Variants in TENM3 observed in about 807,000 individuals in gnomAD.
TENM3 encodes the protein teneurin-3.
TENM3 carries 63 observed loss-of-function variants against 255.1 expected under a neutral mutation model. The ratio of observed to expected loss-of-function variants is 0.25; its 90% CI spans 0.20 to 0.30. The LOEUF is 0.30. Among genes scored for constraint, TENM3 ranks in the 10% least tolerant of loss-of-function variants. The pLI, the probability that TENM3 is intolerant of heterozygous loss-of-function variation, is 1.00. For missense variants in TENM3, 2,929 were observed against 3,461.1 expected, an observed-to-expected ratio of 0.85 and a Z score of 3.86; for synonymous variants, 1,306 against 1,322.3, an observed-to-expected ratio of 0.99 and a Z score of 0.27.
At chr4:182,171,916 A>AT (rs35065408) in intron 1 of TENM3, among the ~76,000 whole-genome samples, 32,204 of 149,818 alleles carry the variant, frequency 0.21, 4,444 homozygotes, top group Non-Finnish European at 0.32. Flanking sequence ...TGTATCTTTG[A>AT]TTTTTTTTTT....
At chr4:181,476,582 C>A in the TENM3 span, among the ~76,000 whole-genome samples, 18 of 152,146 alleles carry the variant, frequency 1.2e-4, no homozygotes, top group Non-Finnish European at 2.2e-4. Flanking sequence ...CATTAATTTT[C>A]CCTGCACAGC....
At chr4:182,192,104 T>C (rs1013071219) in intron 1 of TENM3, among the ~76,000 whole-genome samples, 16 of 152,138 alleles carry the variant, frequency 1.1e-4, no homozygotes, top group African/African-American at 3.6e-4. Flanking sequence ...ACGGGAAAAT[T>C]ATATGAAATT....
chr4:181,927,489 CA>C, the TENM3 span, among the ~76,000 whole-genome samples: 1 of 152,354 alleles, frequency 6.6e-6, no homozygotes, highest in East Asian at 1.9e-4. Flanking sequence ...GCTCTCTGGG[CA>C]GGGCATCTCT....
chr4:182,600,434 G>A (rs978189634), intron 3 of TENM3, among the ~76,000 whole-genome samples: 12 of 152,108 alleles, frequency 7.9e-5, no homozygotes, highest in African/African-American at 2.7e-4. Flanking sequence ...CTGCTGTTTA[G>A]CAACTAGCTT....
At chr4:181,478,235 T>G in the TENM3 span, among the ~76,000 whole-genome samples, 86 of 152,252 alleles carry the variant, frequency 5.6e-4, no homozygotes, top group African/African-American at 2.0e-3. Context: ...TGCTACAAGC[T>G]TGGAGTTTAT....
At chr4:181,553,498 G>A in the TENM3 span, among the ~76,000 whole-genome samples, 2 of 152,052 alleles carry the variant, frequency 1.3e-5, no homozygotes, top group Admixed American at 6.6e-5. Flanking sequence ...CTGGAGTGCA[G>A]GGGCGCGATC....
chr4:182,039,517 T>C, the TENM3 span, among the ~76,000 whole-genome samples: 1 of 152,130 alleles, frequency 6.6e-6, no homozygotes, highest in African/African-American at 2.4e-5. Context: ...CAAGGACATA[T>C]ATGCAGTAAC....
chr4:182,019,986 C>T, the TENM3 span, among the ~76,000 whole-genome samples: 1 of 151,974 alleles, frequency 6.6e-6, no homozygotes, highest in Non-Finnish European at 1.5e-5. Flanking sequence ...GGTTTTTCTA[C>T]TTGGTTGTGG....
the TENM3 span, among the ~76,000 whole-genome samples, chr4:181,823,277 A>G: frequency 6.6e-6 from 1 of 152,078 alleles, no homozygotes. Context: ...TTTTTCCAGG[A>G]TAGACCTTAA....
At chr4:181,458,210 A>C in the TENM3 span, among the ~76,000 whole-genome samples, 2 of 152,074 alleles carry the variant, frequency 1.3e-5, no homozygotes, top group East Asian at 3.9e-4. Context: ...AGAATCTGAA[A>C]TGAGGGTTAA....
chr4:181,801,043 A>T, the TENM3 span, among the ~76,000 whole-genome samples: 1 of 152,174 alleles, frequency 6.6e-6, no homozygotes, highest in African/African-American at 2.4e-5. Context: ...CTGAGAGGGT[A>T]GAAGGAATAG....
the TENM3 span, among the ~76,000 whole-genome samples, chr4:181,595,276 C>A: frequency 6.6e-6 from 1 of 151,650 alleles, no homozygotes; most frequent in Admixed American, 6.6e-5. Context: ...ACTAAAAATA[C>A]CAAAATTAGC....
chr4:182,753,022 C>T (rs1363443423), intron 20 of TENM3, among the ~76,000 whole-genome samples: 1 of 149,190 alleles, frequency 6.7e-6, no homozygotes, highest in Admixed American at 6.8e-5. Flanking sequence ...TCTCGGCTCA[C>T]TGCAACCTCC....
chr4:181,731,729 T>C, the TENM3 span, among the ~76,000 whole-genome samples: 1 of 152,148 alleles, frequency 6.6e-6, no homozygotes, highest in Non-Finnish European at 1.5e-5. Context: ...CCCCCAAAGG[T>C]GACTGATTAA....
At chr4:182,539,224 C>T (rs531026003) in intron 3 of TENM3, among the ~76,000 whole-genome samples, 18 of 151,256 alleles carry the variant, frequency 1.2e-4, no homozygotes, top group African/African-American at 4.1e-4. Flanking sequence ...AGTGCAGAGT[C>T]CCTGCAGGCA....
intron 12 of TENM3, among the ~76,000 whole-genome samples, chr4:182,697,155 A>C (rs1326140264): frequency 6.6e-6 from 1 of 152,204 alleles, no homozygotes; most frequent in Non-Finnish European, 1.5e-5. Context: ...ACTGAAATTC[A>C]TAACAAACTG....
the TENM3 span, among the ~76,000 whole-genome samples, chr4:181,797,049 C>G: frequency 1.4e-4 from 21 of 151,882 alleles, no homozygotes; most frequent in African/African-American, 5.1e-4. Context: ...CAGTCCAGGG[C>G]CCATGTGGTG....
At chr4:181,998,671 C>T in the TENM3 span, among the ~76,000 whole-genome samples, 1 of 152,106 alleles carries the variant, frequency 6.6e-6, no homozygotes, top group African/African-American at 2.4e-5. Context: ...TCCAAATGAC[C>T]TCAGCAGAAA....
chr4:182,464,341 C>T (rs1256057628), intron 3 of TENM3, among the ~76,000 whole-genome samples: 1 of 152,274 alleles, frequency 6.6e-6, no homozygotes, highest in South Asian at 2.1e-4. Context: ...ACTGCAACCT[C>T]CGCCTCCCGG....
Sources: gnomAD v4.1 joint callset for allele counts (sites outside exome capture counted in the v4.1 genomes callset) on GRCh38, gnomAD v4.1.1 for gene constraint, MANE v1.5 for transcripts, NCBI Gene and HGNC (gene_info 2026-07-23, HGNC 2026-07-21) for gene names.